The following CLCNKB variants were observed in gnomAD, a reference collection of about 807,000 sequenced individuals.
The protein encoded by CLCNKB is chloride voltage-gated channel Kb.
CLCNKB carries 74 observed loss-of-function variants against 83.8 expected under a neutral mutation model. That is an observed-to-expected ratio of 0.88 (90% CI 0.73 to 1.07). CLCNKB has a LOEUF of 1.07. Ranked by LOEUF, CLCNKB falls within the 50% of genes least tolerant of loss-of-function variation. CLCNKB has a pLI of 0.00. For synonymous variants in CLCNKB, 358 were observed against 356.6 expected, an observed-to-expected ratio of 1.00 and a Z score of -0.04; for missense variants, 798 against 893.6, an observed-to-expected ratio of 0.89 and a Z score of 1.36.
intron 10 of CLCNKB, among the ~76,000 whole-genome samples, 153 bp from the exon 11 acceptor site, chr1:16,050,363 T>G (rs2023248669): frequency 6.6e-6 from 1 of 152,162 alleles, no homozygotes; most frequent in Non-Finnish European, 1.5e-5. Flanking sequence ...AGTGTGGGGC[T>G]GACCCCACAG....
rs1557470718 is a variant in CLCNKB, at chr1:16,051,467, C to T, written c.1228-11C>T. On this transcript the variant is annotated splice_polypyrimidine_tract_variant and intron_variant, in intron 12 of 19. Coordinates refer to ENST00000375679, the MANE Select transcript of CLCNKB (RefSeq NM_000085.5). ...CCTCTAACCTCTGCCCTGGGCTCCC[C>T]ACTCCCACAGTTCTGGATGCTGATT... 1 of 1,614,090 alleles carries T rather than the reference C, an allele frequency of 6.2e-7. No homozygotes were observed. The highest frequency in any genetic ancestry group is 2.2e-5 in the East Asian group (1 of 44,890).
intron 17 of CLCNKB, 32 bp downstream of exon 17, chr1:16,055,555 C>CGGGGGGTGGGGGG: frequency 7.2e-6 from 5 of 697,108 alleles, no homozygotes; most frequent in Non-Finnish European, 1.2e-5. Context: ...GGGGATGGGG[C>CGGGGGGTGGGGGG]GGGGGTGGGT....
At chr1:16,046,813 C>A in intron 4 of CLCNKB, 150 bp downstream of exon 4, 1 of 1,058,082 alleles carries the variant, frequency 9.5e-7, no homozygotes. Context: ...AAGGCCAGAT[C>A]TTGACTTTTG....
chr1:16,049,608 C>A lies in CLCNKB; in HGVS notation c.782-10C>A. On this transcript the variant is annotated splice_polypyrimidine_tract_variant and intron_variant, in intron 8 of 19. Coordinates refer to ENST00000375679, the MANE Select transcript of CLCNKB (RefSeq NM_000085.5). ...CGCCATCTTGGCTCCCCACTGCCCT[C>A]CTTCCCCAGAGACCATCACCTCCCT... The A allele has an allele frequency of 1.9e-6, 3 of 1,594,224 alleles. No homozygotes were observed. Among genetic ancestry groups the A allele is most frequent in the Non-Finnish European group, 2.6e-6 (3 of 1,166,834 alleles).
rs759852388 is a variant in CLCNKB at position 16,045,640 on chromosome 1, C to T, written c.183C>T (p.Ala61=). 5 of 1,614,064 alleles carry T rather than the reference C, an allele frequency of 3.1e-6. No individual in the cohort carries two copies. Among genetic ancestry groups the T allele is most frequent in the East Asian group, 2.2e-5 (1 of 44,876 alleles). The change falls in exon 3 of 20, where the codon GCC becomes GCT. Residue 61 remains alanine, a synonymous_variant. Transcript: ENST00000375679. ...YFLMTLGVLM[A]LVSCAMDLAV... ...TGATGACCCTCGGGGTGCTCATGGC[C>T]CTGGTCAGCTGTGCCATGGACTTGG...
At chr1:16,050,025 C>CATTA (rs1476602909) in intron 10 of CLCNKB, 109 bp downstream of exon 10, 43 of 692,106 alleles carry the variant, frequency 6.2e-5, no homozygotes, top group Non-Finnish European at 7.3e-5. Context: ...AAAGCCCATC[C>CATTA]TAGCCCATGC....
chr1:16,051,439 C>A (rs780486234), intron 12 of CLCNKB, 39 bp from the exon 13 acceptor site: 2 of 1,608,772 alleles, frequency 1.2e-6, no homozygotes, highest in East Asian at 2.2e-5. Flanking sequence ...CCTTGCCCAG[C>A]AGCCTCTAAC....
chr1:16,048,986 C>G, intron 7 of CLCNKB, 134 bp from the exon 8 acceptor site: 1 of 1,583,282 alleles, frequency 6.3e-7, no homozygotes, highest in Non-Finnish European at 8.6e-7. Context: ...CCTGCCCTCC[C>G]CTCCTGTCTG....
intron 15 of CLCNKB, 149 bp downstream of exon 15, chr1:16,052,560 C>T (rs1012168336): frequency 7.7e-5 from 90 of 1,163,782 alleles, no homozygotes; most frequent in Admixed American, 2.0e-5. Context: ...CCACTCTCCC[C>T]AGTGCCCCGG....
intron 16 of CLCNKB, among the ~76,000 whole-genome samples, chr1:16,054,525 A>G (rs2023385760): frequency 6.6e-6 from 1 of 152,146 alleles, no homozygotes; most frequent in South Asian, 2.1e-4. Context: ...TATGTACTGC[A>G]TTTTCATCAT....
rs2023316317 is a variant in CLCNKB at position 16,052,229 on chromosome 1, C to A, written c.1440C>A (p.His480Gln). 3.1e-6 allele frequency: 5 copies of A among 1,613,256 alleles called. No individual in the cohort carries two copies. The highest frequency in any genetic ancestry group is 4.2e-6 in the Non-Finnish European group (5 of 1,180,024). The change falls in exon 15 of 20, where the codon CAC becomes CAA. Residue 480 changes from histidine (H) to glutamine (Q), a missense_variant. His to Gln is a conservative substitution (Grantham distance 24). Transcript: ENST00000375679. The stretch of plus-strand genomic sequence containing the variant: ...CAGCCTTCTCAGGGGCTGTGACCCA[C>A]ACCATCTCCACGGCGCTGCTGGCCT... ...GAAAFSGAVT[H>Q]TISTALLAFE...
intron 1 of CLCNKB, among the ~76,000 whole-genome samples, 193 bp from the exon 2 acceptor site, chr1:16,044,293 A>C (rs1412795417): frequency 6.6e-6 from 1 of 152,044 alleles, no homozygotes; most frequent in Non-Finnish European, 1.5e-5. Context: ...ACACAGGCAC[A>C]CACCCTCAGT....
At chr1:16,055,639 G>T (rs1353941802) in intron 17 of CLCNKB, 36 bp from the exon 18 acceptor site, 2 of 1,610,464 alleles carry the variant, frequency 1.2e-6, no homozygotes, top group Non-Finnish European at 1.7e-6. Context: ...TCCTGGGGAG[G>T]CCAGCCCTGC....
chr1:16,056,271 TG>T (rs2023435786), intron 18 of CLCNKB, 150 bp from the exon 19 acceptor site: 2 of 842,534 alleles, frequency 2.4e-6, no homozygotes, highest in Middle Eastern at 2.2e-4. Context: ...CATCCCCCAG[TG>T]GCCACATTGG....
At position 16,056,409 on chromosome 1, in the gene CLCNKB, A is replaced by G; in HGVS notation, c.1930-13A>G. 1 of 1,613,842 alleles carries G rather than the reference A, an allele frequency of 6.2e-7. No individual in the cohort carries two copies. Among genetic ancestry groups the G allele is most frequent in the African/African-American group, 1.3e-5 (1 of 74,982 alleles). ...CTTCTACCCTCCAGTGTTTCCTAACATCCCCCATCCAGGCACACAACCTCT... is the reference window on the plus strand; with the variant it reads ...CTTCTACCCTCCAGTGTTTCCTAACGTCCCCCATCCAGGCACACAACCTCT... On this transcript the variant is annotated splice_polypyrimidine_tract_variant and intron_variant, in intron 18 of 19. Coordinates refer to ENST00000375679, the MANE Select transcript of CLCNKB (RefSeq NM_000085.5).
intron 15 of CLCNKB, among the ~76,000 whole-genome samples, chr1:16,053,424 G>A (rs2023351613): frequency 6.6e-6 from 1 of 152,148 alleles, no homozygotes; most frequent in South Asian, 2.1e-4. Context: ...GGTCCAGGGG[G>A]CTGGGAATTC....
At position 16,056,542 on chromosome 1, in the gene CLCNKB, A is replaced by G. The variant is rs78997165; in HGVS notation, c.2016+34A>G. On this transcript the variant is annotated intron_variant, in intron 19 of 19. Transcript: ENST00000375679. The stretch of plus-strand genomic sequence containing the variant: ...GTCCCGGGGGCAGAGCAAAGCAGGG[A>G]ACCTATGCCTGAGAAGACTGGGGAG... 5,574 of 1,534,476 alleles carry G rather than the reference A, an allele frequency of 3.6e-3. 188 individuals carry two copies. In the African/African-American group the frequency reaches 0.069, roughly 19 times the overall value.
At position 16,046,574 on chromosome 1, in the gene CLCNKB, T is replaced by A; in HGVS notation, c.269T>A (p.Leu90Gln). ...WLYREIGDSH[L>Q]LRYLSWTVYP... ...TACAGGGAGATTGGGGACAGCCACCTGCTCCGGTATCTCTCCTGGACTGTG... is the reference window on the plus strand; with the variant it reads ...TACAGGGAGATTGGGGACAGCCACCAGCTCCGGTATCTCTCCTGGACTGTG... Residue 90 changes from leucine to glutamine, a missense_variant, in exon 4 of 20, where the codon CTG (leucine) becomes CAG (glutamine). Transcript: ENST00000375679. 6 of 1,614,166 alleles carry A rather than the reference T, an allele frequency of 3.7e-6. No individual in the cohort carries two copies. Among genetic ancestry groups the A allele is most frequent in the Non-Finnish European group, 5.1e-6 (6 of 1,180,030 alleles).
rs772411514 is a variant in CLCNKB, at chr1:16,051,546, T to C, written c.1296T>C (p.Tyr432=). 1.2e-6 allele frequency: 2 copies of C among 1,613,910 alleles called. No individual in the cohort carries two copies. Among genetic ancestry groups the C allele is most frequent in the African/African-American group, 2.7e-5 (2 of 74,874 alleles). Residue 432 remains tyrosine (Y), a splice_region_variant and synonymous_variant, in exon 13 of 20, where the codon TAT becomes TAC. Coordinates refer to ENST00000375679, the MANE Select transcript of CLCNKB (RefSeq NM_000085.5). ...PAGYFMPIFV[Y]GAAIGRLFGE... is the part of the protein sequence containing the mutation. ...GGTACTTCATGCCCATCTTTGTCTA[T>C]GGTGAGTCTGGGGTCCTGAGGTTCT...
Sources: allele counts gnomAD v4.1 joint callset (sites outside exome capture counted in the v4.1 genomes callset), GRCh38; gene constraint gnomAD v4.1.1; transcripts MANE v1.5; gene names NCBI Gene and HGNC (gene_info 2026-07-23, HGNC 2026-07-21).